ISM1: variants seen among roughly 807,000 people sequenced by gnomAD.
ISM1 encodes the protein isthmin 1.
In ISM1, 25 loss-of-function variants were observed where a neutral mutation model predicts 46.3. The ratio of observed to expected loss-of-function variants is 0.54; its 90% CI spans 0.39 to 0.75. The LOEUF (loss-of-function observed/expected upper bound fraction) is 0.75. ISM1 is among the 30% of genes least tolerant of loss of function. The pLI, the probability that ISM1 is intolerant of heterozygous loss-of-function variation, is 0.00. For synonymous variants in ISM1, 255 were observed against 256.7 expected (o/e 0.99, Z 0.06); for missense variants, 536 against 625.4 (o/e 0.86, Z 1.52).
At chr20:13,294,744 C>T (rs749879632) in intron 5 of ISM1, among the ~76,000 whole-genome samples, 1 of 152,176 alleles carries the variant, frequency 6.6e-6, no homozygotes, top group Non-Finnish European at 1.5e-5. Flanking sequence ...ACAGCCTATC[C>T]CAGCTGGCAG....
intron 1 of ISM1, among the ~76,000 whole-genome samples, chr20:13,249,978 A>C (rs2039848905): frequency 6.6e-6 from 1 of 152,212 alleles, no homozygotes; most frequent in African/African-American, 2.4e-5. Context: ...AAAATCCAGG[A>C]GGAGGCCCAA....
intron 2 of ISM1, among the ~76,000 whole-genome samples, chr20:13,273,215 T>TTTTTATTTTA (rs60448833): frequency 0.26 from 33,630 of 130,446 alleles, 4,986 homozygotes; most frequent in Non-Finnish European, 0.29. Flanking sequence ...ACTTGGGTCT[T>TTTTTATTTTA]TTTTATTTTA....
chr20:13,229,854 C>T (rs1268697800), intron 1 of ISM1, among the ~76,000 whole-genome samples: 1 of 152,126 alleles, frequency 6.6e-6, no homozygotes, highest in Non-Finnish European at 1.5e-5. Context: ...TCTGTTGGCC[C>T]TTCTTTCAGC....
At chr20:13,300,726 G>C (rs1421639245), downstream of ISM1, 2 of 152,206 alleles carry the variant, frequency 1.3e-5, no homozygotes, top group Non-Finnish European at 2.9e-5. Flanking sequence ...GCAGGGGAAA[G>C]AAAATTTCAA....
In ISM1 at chr20:13,250,392, G is replaced by T. The variant is rs193280953; in HGVS notation, c.139-20112G>T. Among the ~76,000 whole-genome samples the T allele has an allele frequency of 2.6e-4, 39 of 152,306 alleles. No individual in the cohort carries two copies. The East Asian group carries it at 6.8e-3, about 26-fold the overall frequency. ...GGAGAATTTCACACGTACTGAAGACGTGAGAATGAAGTCCTTGGGGGCATA... is the reference window on the plus strand; with the variant it reads ...GGAGAATTTCACACGTACTGAAGACTTGAGAATGAAGTCCTTGGGGGCATA... On this transcript the variant is annotated intron_variant, in intron 1 of 5. Transcript: ENST00000262487.
chr20:13,271,860 C>T (rs1424817496), intron 2 of ISM1, among the ~76,000 whole-genome samples: 1 of 151,860 alleles, frequency 6.6e-6, no homozygotes, highest in African/African-American at 2.4e-5. Flanking sequence ...CTGCATGCAG[C>T]CCCTACCTCC....
chr20:13,252,884 C>T (rs2039883292), intron 1 of ISM1, among the ~76,000 whole-genome samples: 1 of 152,208 alleles, frequency 6.6e-6, no homozygotes, highest in South Asian at 2.1e-4. Flanking sequence ...CTCTCATTTA[C>T]TGACAGATAA....
At chr20:13,310,999 A>G in the ISM1 span, among the ~76,000 whole-genome samples, 5 of 152,090 alleles carry the variant, frequency 3.3e-5, no homozygotes, top group Non-Finnish European at 5.9e-5. Context: ...TTTGAGACCA[A>G]CCTGGCCATC....
intron 1 of ISM1, among the ~76,000 whole-genome samples, chr20:13,252,265 C>A (rs1367374836): frequency 2.6e-5 from 4 of 152,168 alleles, no homozygotes; most frequent in Admixed American, 2.0e-4. Flanking sequence ...GAGTAGGGAC[C>A]ATTTGGCTTT....
chr20:13,276,855 C>T (rs2040185805), intron 2 of ISM1, among the ~76,000 whole-genome samples: 1 of 152,156 alleles, frequency 6.6e-6, no homozygotes, highest in Admixed American at 6.5e-5. Context: ...TAATTGGATG[C>T]CTATGAAACC....
At chr20:13,225,508 C>T (rs995473015) in intron 1 of ISM1, among the ~76,000 whole-genome samples, 2 of 152,124 alleles carry the variant, frequency 1.3e-5, no homozygotes, top group East Asian at 1.9e-4. Flanking sequence ...GTAGTTTCAG[C>T]GCACTAGGGG....
intron 5 of ISM1, among the ~76,000 whole-genome samples, chr20:13,293,382 A>C (rs1415028063): frequency 6.6e-6 from 1 of 152,036 alleles, no homozygotes; most frequent in Non-Finnish European, 1.5e-5. Context: ...TTCTCTATAT[A>C]CTTAAGGATT....
the ISM1 span, among the ~76,000 whole-genome samples, chr20:13,307,991 G>A: frequency 1.3e-5 from 2 of 152,214 alleles, no homozygotes; most frequent in African/African-American, 4.8e-5. Context: ...ATACTGCCCA[G>A]TAGTTTTCCA....
At chr20:13,298,758 G>T (rs1232813047) in intron 5 of ISM1, among the ~76,000 whole-genome samples, 184 bp from the exon 6 acceptor site, 4 of 152,162 alleles carry the variant, frequency 2.6e-5, no homozygotes, top group African/African-American at 9.7e-5. Context: ...ATCCACTTCT[G>T]ATGGTGCCAG....
intron 1 of ISM1, among the ~76,000 whole-genome samples, chr20:13,267,954 A>C (rs1317786401): frequency 6.6e-6 from 1 of 152,242 alleles, no homozygotes; most frequent in Non-Finnish European, 1.5e-5. Context: ...GAAATTCTCC[A>C]TGACAATCTA....
the ISM1 span, among the ~76,000 whole-genome samples, chr20:13,311,236 AGATAGAT>A: frequency 9.5e-6 from 1 of 105,148 alleles, no homozygotes; most frequent in African/African-American, 3.5e-5. Context: ...ATAGATAGAT[AGATAGAT>A]GATAGATAGA....
chr20:13,323,862 G>A, the ISM1 span, among the ~76,000 whole-genome samples: 4,289 of 152,160 alleles, frequency 0.028, 69 homozygotes, highest in Middle Eastern at 0.054. Flanking sequence ...ATAAATAGAT[G>A]GGCCAAAATA....
chr20:13,260,856 G>A (rs973710214), intron 1 of ISM1, among the ~76,000 whole-genome samples: 2 of 152,174 alleles, frequency 1.3e-5, no homozygotes, highest in African/African-American at 4.8e-5. Context: ...CTCTGGGTCA[G>A]CAGGGTGGCT....
the ISM1 span, among the ~76,000 whole-genome samples, chr20:13,326,177 T>C: frequency 1.3e-5 from 2 of 152,216 alleles, no homozygotes; most frequent in African/African-American, 2.4e-5. Flanking sequence ...TAGCATTCCA[T>C]GTATGGATGC....
Sources: allele counts gnomAD v4.1 joint callset (sites outside exome capture counted in the v4.1 genomes callset), GRCh38; gene constraint gnomAD v4.1.1; transcripts MANE v1.5; gene names NCBI Gene and HGNC (gene_info 2026-07-23, HGNC 2026-07-21).